Variants in GPR83 observed in about 807,000 individuals in gnomAD.
GPR83 encodes G protein-coupled receptor 83, also known as G-protein coupled receptor 72.
Under a neutral mutation model 28.0 loss-of-function variants are expected in GPR83, and 23 were observed. The observed-to-expected ratio is 0.82, with a 90% CI of 0.59 to 1.16. GPR83 has a LOEUF of 1.16. GPR83 is among the 50% of genes most tolerant of loss of function. The pLI is 0.00. For missense variants in GPR83, 610 were observed against 536.6 expected (o/e 1.14, Z -1.35); for synonymous variants, 234 against 215.4 (o/e 1.09, Z -0.76).
At position 94,380,076 on chromosome 11, in the gene GPR83, T is replaced by C. The variant is rs953731927; in HGVS notation, c.*73A>G. 5.4e-5 allele frequency: 64 copies of C among 1,188,776 alleles called. No individual in the cohort carries two copies. The highest frequency in any genetic ancestry group is 2.0e-4 in the Middle Eastern group (1 of 5,048). 73.6% of individuals were successfully genotyped at this position (1,188,776 alleles called of 1,614,324 possible). ...TGTGTTTCCAGCACTCTGAAGATCA[T>C]GTGTGAGAATAGGCTCTCTTTCCCT... On this transcript the variant is annotated 3_prime_UTR_variant, in exon 4 of 4. Transcript: ENST00000243673.
chr11:94,396,629 C>G lies in GPR83; in HGVS notation c.388-105G>C. 2.7e-6 allele frequency: 3 copies of G among 1,106,254 alleles called. No individual in the cohort carries two copies. In the South Asian group the frequency reaches 4.5e-5, roughly 17 times the overall value. 68.5% of individuals were successfully genotyped at this position (1,106,254 alleles called of 1,614,324 possible). ...GCCCTTAGGGGGATTCCTCCAGCTC[C>G]TCCCTTCTTTCTGTCTATGATACTG... On this transcript the variant is annotated intron_variant, in intron 1 of 3. Coordinates refer to ENST00000243673, the MANE Select transcript of GPR83 (RefSeq NM_016540.4).
At position 94,401,185 on chromosome 11, in the gene GPR83, C is replaced by T; in HGVS notation, c.63G>A (p.Glu21=). The stretch of plus-strand genomic sequence containing the variant: ...CCGCGCTCTGCTCGTCGGCCCGGCC[C>T]TCGTGGGGCTCGGTGGCTCGCACCA... ...LPLVRATEPH[E]GRADEQSAEA... The change falls in exon 1 of 4, where the codon GAG becomes GAA. Residue 21 remains glutamate (E), a synonymous_variant. Coordinates refer to ENST00000243673, the MANE Select transcript of GPR83 (RefSeq NM_016540.4). 1.9e-6 allele frequency: 3 copies of T among 1,613,458 alleles called. No homozygotes were observed. Among genetic ancestry groups the T allele is most frequent in the Non-Finnish European group, 2.5e-6 (3 of 1,179,736 alleles).
chr11:94,389,053 G>A (rs376919493), intron 3 of GPR83, among the ~76,000 whole-genome samples: 1 of 152,110 alleles, frequency 6.6e-6, no homozygotes, highest in East Asian at 1.9e-4. Context: ...TGACAAACCT[G>A]ACAAAAACAA....
chr11:94,384,369 G>A (rs898036389), intron 3 of GPR83, among the ~76,000 whole-genome samples: 1 of 152,156 alleles, frequency 6.6e-6, no homozygotes, highest in African/African-American at 2.4e-5. Context: ...GTGGTTCCAA[G>A]ATGGCCGAAT....
Position 94,393,491 on chromosome 11 carries a change from T to C in GPR83, c.641A>G (p.Lys214Arg). The change falls in exon 3 of 4, where the codon AAA becomes AGA. Residue 214 changes from lysine to arginine, a missense_variant. Transcript: ENST00000243673. ...HAICQKLFTFKYSEDIVRSLC... is the reference protein window; with the variant it reads ...HAICQKLFTFRYSEDIVRSLC... Reference sequence around the variant, plus strand: ...CCCAACGAATTCATCTCACCTGTATTTGAAGGTAAATAATTTCTGGCAGAT... The same window carrying C: ...CCCAACGAATTCATCTCACCTGTATCTGAAGGTAAATAATTTCTGGCAGAT... The C allele has an allele frequency of 6.2e-7, 1 of 1,613,934 alleles. No individual in the cohort carries two copies. The highest frequency in any genetic ancestry group is 8.5e-7 in the Non-Finnish European group (1 of 1,179,926).
At chr11:94,391,000 G>C (rs376355398) in intron 3 of GPR83, among the ~76,000 whole-genome samples, 6 of 152,134 alleles carry the variant, frequency 3.9e-5, no homozygotes, top group South Asian at 2.1e-4. Flanking sequence ...AACCAAAAAA[G>C]AGCCCGCATT....
chr11:94,380,940 C>A (rs1164309210), intron 3 of GPR83, among the ~76,000 whole-genome samples, 167 bp from the exon 4 acceptor site: 2 of 152,200 alleles, frequency 1.3e-5, no homozygotes, highest in Admixed American at 6.5e-5. Flanking sequence ...TACATTTCTA[C>A]CTCCCCCACT....
chr11:94,392,689 G>A (rs979974151), intron 3 of GPR83, among the ~76,000 whole-genome samples: 1 of 152,118 alleles, frequency 6.6e-6, no homozygotes, highest in African/African-American at 2.4e-5. Context: ...AGCTAGGCAT[G>A]ATGGTGCGTG....
At chr11:94,392,117 C>T (rs796542231) in intron 3 of GPR83, among the ~76,000 whole-genome samples, 9 of 152,132 alleles carry the variant, frequency 5.9e-5, no homozygotes, top group African/African-American at 1.7e-4. Flanking sequence ...ATGTGGCACA[C>T]ATACACCATG....
rs770102582 is a variant in GPR83 at position 94,380,251 on chromosome 11, A to G, written c.1170T>C (p.Asp390=). 1.3e-6 allele frequency: 2 copies of G among 1,536,402 alleles called. No homozygotes were observed. The highest frequency in any genetic ancestry group is 1.7e-6 in the Non-Finnish European group (2 of 1,143,632). ...TATTGGCAAGGGGAGCCCTCTGGCCATCATTCTTCTCTGTCCAGGCCACCC... is the reference window on the plus strand; with the variant it reads ...TATTGGCAAGGGGAGCCCTCTGGCCGTCATTCTTCTCTGTCCAGGCCACCC... The part of the protein sequence containing the change: ...SFRVAWTEKN[D]GQRAPLANNL... The change falls in exon 4 of 4, where the codon GAT becomes GAC. Residue 390 remains aspartate, a synonymous_variant. Transcript: ENST00000243673.
At chr11:94,389,763 G>A (rs79592731) in intron 3 of GPR83, among the ~76,000 whole-genome samples, 80,908 of 151,958 alleles carry the variant, frequency 0.53, 22,028 homozygotes, top group East Asian at 0.64. Context: ...TCAGTGTGGC[G>A]ATTCCTCAGG....
intron 3 of GPR83, 75 bp from the exon 4 acceptor site, chr11:94,380,848 A>G: frequency 1.5e-6 from 2 of 1,341,424 alleles, no homozygotes; most frequent in Non-Finnish European, 2.0e-6. Context: ...TCATCCCAAG[A>G]AGCACTGGCC....
At chr11:94,381,558 AGT>A (rs56180709) in intron 3 of GPR83, among the ~76,000 whole-genome samples, 12 of 148,170 alleles carry the variant, frequency 8.1e-5, no homozygotes, top group South Asian at 2.2e-4. Flanking sequence ...GGAGTGAGTG[AGT>A]GTGTGTGTGT....
intron 3 of GPR83, among the ~76,000 whole-genome samples, chr11:94,392,667 A>G (rs1944828385): frequency 6.6e-6 from 1 of 152,080 alleles, no homozygotes; most frequent in Non-Finnish European, 1.5e-5. Flanking sequence ...TCTACTAAAA[A>G]TACAAAAAAT....
chr11:94,390,426 C>T (rs931657971), intron 3 of GPR83, among the ~76,000 whole-genome samples: 1 of 152,018 alleles, frequency 6.6e-6, no homozygotes, highest in African/African-American at 2.4e-5. Flanking sequence ...ATAAGGATGC[C>T]GTCTCTCACC....
At chr11:94,393,409 C>A in intron 3 of GPR83, 76 bp downstream of exon 3, 1 of 1,410,798 alleles carries the variant, frequency 7.1e-7, no homozygotes, top group Non-Finnish European at 9.9e-7. Context: ...TCCTGGGGGC[C>A]TCAGGTATCC....
At chr11:94,384,502 T>C (rs1944727589) in intron 3 of GPR83, among the ~76,000 whole-genome samples, 1 of 152,000 alleles carries the variant, frequency 6.6e-6, no homozygotes, top group Non-Finnish European at 1.5e-5. Flanking sequence ...TGCAGGACAG[T>C]GGGTGCAGCA....
Position 94,396,451 on chromosome 11 carries a change from G to A in GPR83, c.461C>T (p.Ser154Leu). The change falls in exon 2 of 4, where the codon TCA becomes TTA. Residue 154 changes from serine (S) to leucine (L), a missense_variant. Transcript: ENST00000243673. ...CHVSRFAQYC[S>L]LHVSALTLTA... ...CAGTGTCAGTGCTGAGACGTGCAGT[G>A]AGCAGTACTGGGCAAAGCGGCTGAC... is the stretch of plus-strand genomic sequence containing the variant. 1 of 1,614,128 alleles carries A rather than the reference G, an allele frequency of 6.2e-7. No homozygotes were observed. The highest frequency in any genetic ancestry group is 8.5e-7 in the Non-Finnish European group (1 of 1,179,948).
Position 94,380,273 on chromosome 11 carries a change from A to G in GPR83, c.1148T>C (p.Val383Ala). 9.5e-6 allele frequency: 15 copies of G among 1,578,854 alleles called. No homozygotes were observed. Among genetic ancestry groups the G allele is most frequent in the Non-Finnish European group, 1.2e-5 (14 of 1,161,790 alleles). The change falls in exon 4 of 4, where the codon GTG becomes GCG. Residue 383 changes from valine (V) to alanine (A), a missense_variant. Physicochemically the swap from Val to Ala is moderately conservative, Grantham distance 64. Transcript: ENST00000243673. ...GCCATCATTCTTCTCTGTCCAGGCC[A>G]CCCTGAAGGAAGGAACTGGGGAGGG... ...RPPSPVPSFR[V>A]AWTEKNDGQR...
Sources: gnomAD v4.1 joint callset for allele counts (sites outside exome capture counted in the v4.1 genomes callset) on GRCh38, gnomAD v4.1.1 for gene constraint, MANE v1.5 for transcripts, NCBI Gene and HGNC (gene_info 2026-07-23, HGNC 2026-07-21) for gene names.